CSTPP1: variants seen among roughly 807,000 people sequenced by gnomAD.
CSTPP1 encodes the protein UPF0705 protein C11orf49.
the CSTPP1 span, among the ~76,000 whole-genome samples, chr11:46,967,990 G>T: frequency 4.0e-5 from 6 of 151,830 alleles, no homozygotes; most frequent in Non-Finnish European, 8.8e-5. Flanking sequence ...AGGGAAGGGC[G>T]GAAGAAAGCA....
chr11:47,142,955 G>A, the CSTPP1 span, among the ~76,000 whole-genome samples: 19 of 152,134 alleles, frequency 1.2e-4, no homozygotes, highest in Admixed American at 5.2e-4. Flanking sequence ...AGGAAGCATC[G>A]TAGCCAGTCC....
the CSTPP1 span, among the ~76,000 whole-genome samples, chr11:47,076,806 C>A: frequency 1.3e-5 from 2 of 151,498 alleles, no homozygotes; most frequent in Admixed American, 1.3e-4. Flanking sequence ...TGCACTGCAG[C>A]CTGGGTGATG....
chr11:46,937,599 T>C, the CSTPP1 span, among the ~76,000 whole-genome samples: 1 of 152,242 alleles, frequency 6.6e-6, no homozygotes, highest in Non-Finnish European at 1.5e-5. Context: ...AGACGGAGTC[T>C]AGCTCTGTCG....
the CSTPP1 span, among the ~76,000 whole-genome samples, chr11:47,027,312 A>G: frequency 6.6e-6 from 1 of 152,282 alleles, no homozygotes; most frequent in South Asian, 2.1e-4. Context: ...TGAGGGCTTC[A>G]AAGGGGAGTT....
the CSTPP1 span, among the ~76,000 whole-genome samples, chr11:47,129,962 T>C: frequency 6.6e-6 from 1 of 152,096 alleles, no homozygotes; most frequent in Non-Finnish European, 1.5e-5. Context: ...TAATAAAATA[T>C]AAAACTAAAG....
chr11:47,124,811 C>A, the CSTPP1 span, among the ~76,000 whole-genome samples: 1 of 151,994 alleles, frequency 6.6e-6, no homozygotes, highest in Non-Finnish European at 1.5e-5. Flanking sequence ...TTTTTCTTTA[C>A]TTTTTGTATG....
chr11:46,980,650 A>G, the CSTPP1 span, among the ~76,000 whole-genome samples: 1 of 152,180 alleles, frequency 6.6e-6, no homozygotes. Context: ...TTTTGACTGT[A>G]TCAACACTTA....
chr11:47,148,883 C>A, the CSTPP1 span, among the ~76,000 whole-genome samples: 13 of 152,146 alleles, frequency 8.5e-5, no homozygotes, highest in Non-Finnish European at 1.9e-4. Context: ...ATCCTGGGGT[C>A]AACTAATCCA....
chr11:47,059,486 A>C, the CSTPP1 span, among the ~76,000 whole-genome samples: 1 of 152,210 alleles, frequency 6.6e-6, no homozygotes, highest in African/African-American at 2.4e-5. Flanking sequence ...AAGCGGGTGA[A>C]GGCTATAAAG....
chr11:46,942,520 A>G, the CSTPP1 span, among the ~76,000 whole-genome samples: 1 of 152,274 alleles, frequency 6.6e-6, no homozygotes, highest in African/African-American at 2.4e-5. Flanking sequence ...CTTCTTTTCC[A>G]TGGAACCTGC....
the CSTPP1 span, among the ~76,000 whole-genome samples, chr11:46,945,378 G>C: frequency 1.3e-5 from 2 of 152,154 alleles, no homozygotes; most frequent in Admixed American, 6.5e-5. Context: ...ATTTTGGAAG[G>C]CTGAGGCGGG....
chr11:47,005,102 C>T, the CSTPP1 span, among the ~76,000 whole-genome samples: 1 of 152,138 alleles, frequency 6.6e-6, no homozygotes, highest in African/African-American at 2.4e-5. Flanking sequence ...ACTTGTACTG[C>T]TATGTCCAAA....
the CSTPP1 span, chr11:46,936,777 T>C: frequency 6.2e-7 from 1 of 1,609,700 alleles, no homozygotes; most frequent in Non-Finnish European, 8.5e-7. Flanking sequence ...GCCGGAGAGC[T>C]GGAGCTTTGA....
chr11:47,067,963 A>G, the CSTPP1 span, among the ~76,000 whole-genome samples: 1 of 152,084 alleles, frequency 6.6e-6, no homozygotes, highest in Non-Finnish European at 1.5e-5. Context: ...TTATTTCCAC[A>G]TTGATAAACT....
chr11:47,114,577 TATTCTCTTTGTAGCA>T, the CSTPP1 span, among the ~76,000 whole-genome samples: 8 of 152,318 alleles, frequency 5.3e-5, no homozygotes, highest in South Asian at 1.4e-3. Flanking sequence ...CTAGGTATTT[TATTCTCTTTGTAGCA>T]ATTGTGAATG....
At chr11:47,119,001 C>G in the CSTPP1 span, among the ~76,000 whole-genome samples, 1 of 152,390 alleles carries the variant, frequency 6.6e-6, no homozygotes, top group African/African-American at 2.4e-5. Flanking sequence ...AGCTGTCAGA[C>G]AGGGACGTTT....
At chr11:47,065,745 A>G in the CSTPP1 span, among the ~76,000 whole-genome samples, 1 of 151,250 alleles carries the variant, frequency 6.6e-6, no homozygotes, top group African/African-American at 2.4e-5. Flanking sequence ...ATTGATTATT[A>G]TTATTATTAT....
chr11:47,137,704 C>T, the CSTPP1 span: 1 of 1,614,164 alleles, frequency 6.2e-7, no homozygotes, highest in East Asian at 2.2e-5. Context: ...TGATTTCCCG[C>T]TGGAGCTCAC....
the CSTPP1 span, among the ~76,000 whole-genome samples, chr11:46,941,857 C>A: frequency 6.6e-6 from 1 of 152,132 alleles, no homozygotes; most frequent in Non-Finnish European, 1.5e-5. Context: ...TTCAGTGAAA[C>A]CCAAAAGCTA....
Sources: allele counts gnomAD v4.1 joint callset (sites outside exome capture counted in the v4.1 genomes callset), GRCh38; gene constraint gnomAD v4.1.1; transcripts MANE v1.5; gene names NCBI Gene and HGNC (gene_info 2026-07-23, HGNC 2026-07-21).